Variants in CUX2 observed in about 807,000 individuals in gnomAD.
CUX2 encodes the protein cut like homeobox 2.
A neutral mutation model predicts 144.8 loss-of-function variants in CUX2; 40 were observed. That is an observed-to-expected ratio of 0.28 (90% CI 0.21 to 0.36). The LOEUF (loss-of-function observed/expected upper bound fraction) is 0.36. Ranked by LOEUF, CUX2 falls within the 10% of genes least tolerant of loss-of-function variation. The probability of loss-of-function intolerance (pLI) is 1.00; values close to 1 mark genes in which losing one functional copy is unlikely to be tolerated. For synonymous variants in CUX2, 827 were observed against 875.6 expected (o/e 0.94, Z 0.98); for missense variants, 1,615 against 1,994.0 (o/e 0.81, Z 3.62).
At chr12:111,101,009 C>T (rs561842097) in intron 1 of CUX2, among the ~76,000 whole-genome samples, 18 of 152,334 alleles carry the variant, frequency 1.2e-4, no homozygotes, top group Non-Finnish European at 2.5e-4. Flanking sequence ...CATTTTTAAC[C>T]CACCCTATTC....
intron 1 of CUX2, among the ~76,000 whole-genome samples, chr12:111,167,585 G>A (rs1352485688): frequency 2.0e-5 from 3 of 152,204 alleles, no homozygotes; most frequent in Non-Finnish European, 2.9e-5. Context: ...GATTTACCAC[G>A]TTGTCAGATG....
intron 1 of CUX2, among the ~76,000 whole-genome samples, chr12:111,187,601 C>T (rs1342449475): frequency 6.6e-6 from 1 of 152,202 alleles, no homozygotes; most frequent in Non-Finnish European, 1.5e-5. Flanking sequence ...TTGGGGCCTG[C>T]CACCCCTGGG....
chr12:111,079,587 G>C (rs777150896), intron 1 of CUX2, among the ~76,000 whole-genome samples: 1 of 152,170 alleles, frequency 6.6e-6, no homozygotes, highest in Non-Finnish European at 1.5e-5. Flanking sequence ...GTGAGACCTA[G>C]AAGAGCAAGA....
chr12:111,038,978 C>G (rs1359714235), intron 1 of CUX2, among the ~76,000 whole-genome samples: 2 of 151,298 alleles, frequency 1.3e-5, no homozygotes, highest in African/African-American at 4.9e-5. Context: ...TTAAACTCTC[C>G]TGTTAAAAAG....
intron 9 of CUX2, among the ~76,000 whole-genome samples, chr12:111,300,736 AAC>A (rs1174729677): frequency 6.6e-6 from 1 of 152,174 alleles, no homozygotes; most frequent in Non-Finnish European, 1.5e-5. Flanking sequence ...ATTCCAATAA[AAC>A]TTTATAAGAA....
intron 1 of CUX2, among the ~76,000 whole-genome samples, chr12:111,048,294 G>A (rs1870095630): frequency 6.6e-6 from 1 of 152,256 alleles, no homozygotes; most frequent in Admixed American, 6.5e-5. Context: ...GACAGCATCT[G>A]TGATGAACTG....
chr12:111,197,277 G>C (rs1000584717), intron 1 of CUX2, among the ~76,000 whole-genome samples: 1 of 152,214 alleles, frequency 6.6e-6, no homozygotes, highest in African/African-American at 2.4e-5. Context: ...TGTGGGAAAG[G>C]ATCAGCTTCT....
chr12:111,203,590 T>A (rs1418967723), intron 1 of CUX2, among the ~76,000 whole-genome samples: 1 of 150,352 alleles, frequency 6.7e-6, no homozygotes, highest in Admixed American at 6.6e-5. Context: ...GAAGGACCCA[T>A]GTGCCTGGAG....
At chr12:111,087,780 T>C (rs1024698470) in intron 1 of CUX2, among the ~76,000 whole-genome samples, 8 of 152,166 alleles carry the variant, frequency 5.3e-5, no homozygotes, top group African/African-American at 1.7e-4. Flanking sequence ...TATATGCCTG[T>C]ATGGGTTTAA....
chr12:111,328,270 G>T (rs1057143877), intron 18 of CUX2, among the ~76,000 whole-genome samples: 2 of 152,136 alleles, frequency 1.3e-5, no homozygotes, highest in African/African-American at 4.8e-5. Flanking sequence ...TCCAAGCCCC[G>T]CTTGTGTATG....
Position 111,347,602 on chromosome 12 carries a change from C to T in CUX2, c.3738C>T (p.Ile1246=). Residue 1246 remains isoleucine, a synonymous_variant, in exon 22 of 22, where the codon ATC becomes ATT. Coordinates refer to ENST00000261726, the MANE Select transcript of CUX2 (RefSeq NM_015267.4). ...PDLDPSGGPG[I]LPPGHSHPDP... ...TTGATCCAAGCGGGGGTCCTGGAATCCTACCGCCAGGCCACTCCCACCCAG... is the reference window on the plus strand; with the variant it reads ...TTGATCCAAGCGGGGGTCCTGGAATTCTACCGCCAGGCCACTCCCACCCAG... 1 of 1,613,710 alleles carries T rather than the reference C, an allele frequency of 6.2e-7. No individual in the cohort carries two copies. The highest frequency in any genetic ancestry group is 2.2e-5 in the East Asian group (1 of 44,866).
At chr12:111,244,348 G>T (rs770079232) in intron 3 of CUX2, among the ~76,000 whole-genome samples, 19 of 152,218 alleles carry the variant, frequency 1.2e-4, no homozygotes, top group Admixed American at 2.6e-4. Flanking sequence ...TACCCACCTT[G>T]GTTCTGGGCT....
intron 1 of CUX2, among the ~76,000 whole-genome samples, chr12:111,129,198 C>T (rs748032003): frequency 1.3e-5 from 2 of 152,214 alleles, no homozygotes; most frequent in Non-Finnish European, 2.9e-5. Flanking sequence ...AAATGTCTTA[C>T]CAATAAGTCT....
intron 1 of CUX2, among the ~76,000 whole-genome samples, chr12:111,191,144 G>A (rs1879849593): frequency 6.6e-6 from 1 of 152,112 alleles, no homozygotes; most frequent in African/African-American, 2.4e-5. Flanking sequence ...ACCTGTCTGA[G>A]CCTCAGTTTT....
intron 1 of CUX2, among the ~76,000 whole-genome samples, chr12:111,179,157 G>GA (rs1365026006): frequency 6.6e-6 from 1 of 152,136 alleles, no homozygotes; most frequent in African/African-American, 2.4e-5. Flanking sequence ...CCCTCACAGG[G>GA]AGCCTAGCAG....
At chr12:111,176,225 T>A (rs1175832436) in intron 1 of CUX2, among the ~76,000 whole-genome samples, 1 of 151,558 alleles carries the variant, frequency 6.6e-6, no homozygotes, top group African/African-American at 2.4e-5. Flanking sequence ...TTTTTTTAAT[T>A]TTGTAGAAAC....
At chr12:111,095,436 G>T (rs1872762812) in intron 1 of CUX2, among the ~76,000 whole-genome samples, 4 of 152,052 alleles carry the variant, frequency 2.6e-5, no homozygotes, top group Admixed American at 2.6e-4. Context: ...TCCAGTGTGG[G>T]CAAGAGAGTG....
chr12:111,034,186 C>T lies in CUX2; in HGVS notation c.9C>T (p.Ala3=). 1 of 1,400,988 alleles carries T rather than the reference C, an allele frequency of 7.1e-7. No individual in the cohort carries two copies. The highest frequency in any genetic ancestry group is 9.5e-7 in the Non-Finnish European group (1 of 1,048,130). 86.8% of individuals were successfully genotyped at this position (1,400,988 alleles called of 1,614,324 possible). MA[A]NVGSMFQYWK... ...TCTCGATAGCCCCCAAGATGGCCGCCAATGTGGGATCGATGTTTCAATATT... is the reference window on the plus strand; with the variant it reads ...TCTCGATAGCCCCCAAGATGGCCGCTAATGTGGGATCGATGTTTCAATATT... Residue 3 remains alanine (A), a synonymous_variant, in exon 1 of 22, where the codon GCC becomes GCT. Transcript: ENST00000261726. The surrounding 1 kb of genome is among the most constrained non-coding windows in gnomAD (Gnocchi z 4.2).
chr12:111,058,055 G>C (rs1327231413), intron 1 of CUX2, among the ~76,000 whole-genome samples: 1 of 152,112 alleles, frequency 6.6e-6, no homozygotes, highest in South Asian at 2.1e-4. Flanking sequence ...GTGTTGTGTT[G>C]TAATACTGTT....
Sources: allele counts gnomAD v4.1 joint callset (sites outside exome capture counted in the v4.1 genomes callset), GRCh38; gene constraint gnomAD v4.1.1; non-coding constraint Gnocchi (gnomAD v3.1); transcripts MANE v1.5; gene names NCBI Gene and HGNC (gene_info 2026-07-23, HGNC 2026-07-21).